Variants in SAMD12 observed in about 807,000 individuals in gnomAD.
SAMD12 encodes the protein sterile alpha motif domain containing 12, also known as sterile alpha motif domain-containing protein 12.
Under a neutral mutation model 15.0 loss-of-function variants are expected in SAMD12, and 9 were observed. That is an observed-to-expected ratio of 0.60 (90% CI 0.36 to 1.05). The LOEUF (loss-of-function observed/expected upper bound fraction) is 1.05, where lower values mean the gene tolerates loss of function less well. Among genes scored for constraint, SAMD12 ranks in the 50% least tolerant of loss-of-function variants. The probability of loss-of-function intolerance (pLI) is 0.01; values close to 1 mark genes in which losing one functional copy is unlikely to be tolerated. For synonymous variants in SAMD12, 86 were observed against 90.1 expected (o/e 0.96, Z 0.25); for missense variants, 230 against 234.2 (o/e 0.98, Z 0.12).
chr8:118,574,699 G>A (rs2131244072), intron 2 of SAMD12, among the ~76,000 whole-genome samples: 1 of 152,284 alleles, frequency 6.6e-6, no homozygotes, highest in East Asian at 1.9e-4. Context: ...CAATATACAT[G>A]TACTGGGGTC....
chr8:118,137,393 G>A, the SAMD12 span, among the ~76,000 whole-genome samples: 6 of 152,308 alleles, frequency 3.9e-5, no homozygotes, highest in African/African-American at 1.4e-4. Flanking sequence ...ACTTGGGGGT[G>A]GGGGGCTTTG....
chr8:118,611,756 ATTTGAATT>A (rs1286691756), intron 1 of SAMD12, among the ~76,000 whole-genome samples: 4 of 152,186 alleles, frequency 2.6e-5, no homozygotes, highest in Non-Finnish European at 5.9e-5. Flanking sequence ...GTTCTGTAGT[ATTTGAATT>A]TTTGAATATT....
the SAMD12 span, among the ~76,000 whole-genome samples, chr8:118,148,030 T>C: frequency 6.6e-6 from 1 of 151,740 alleles, no homozygotes; most frequent in Non-Finnish European, 1.5e-5. Flanking sequence ...CAGGTTCAAG[T>C]GATTCTCCTG....
At chr8:118,149,609 G>C in the SAMD12 span, among the ~76,000 whole-genome samples, 75 of 151,994 alleles carry the variant, frequency 4.9e-4, no homozygotes, top group Non-Finnish European at 1.0e-3. Context: ...TTCTTCTATG[G>C]GTTGTGTTAT....
In SAMD12 at chr8:118,392,950, C is replaced by T. The variant is rs553319972; in HGVS notation, c.323-13250G>A. On this transcript the variant is annotated intron_variant, in intron 3 of 3. Transcript: ENST00000314727. ...ATTGGTTTAGGAGTTTGCTTCCAAC[C>T]AAGTGATTCACCAAATGTTAACTCA... Among the ~76,000 whole-genome samples, 7 of 152,208 alleles carry T rather than the reference C, an allele frequency of 4.6e-5. No individual in the cohort carries two copies. The East Asian group carries it at 9.7e-4, about 21-fold the overall frequency.
chr8:118,577,571 G>A (rs1827184800), intron 2 of SAMD12, among the ~76,000 whole-genome samples: 2 of 152,168 alleles, frequency 1.3e-5, no homozygotes, highest in South Asian at 2.1e-4. Context: ...GCACACTAAG[G>A]AGCTGGAACC....
intron 1 of SAMD12, among the ~76,000 whole-genome samples, chr8:118,610,636 G>A (rs1828086916): frequency 6.6e-6 from 1 of 152,164 alleles, no homozygotes; most frequent in Non-Finnish European, 1.5e-5. Flanking sequence ...TAGTTCTTGT[G>A]TTTACTCAAC....
intron 4 of SAMD12, among the ~76,000 whole-genome samples, chr8:118,336,301 T>C (rs948374626): frequency 6.6e-6 from 1 of 152,214 alleles, no homozygotes; most frequent in Non-Finnish European, 1.5e-5. Flanking sequence ...ACAAGCATAA[T>C]TGCTCTCTTC....
chr8:118,602,100 G>A (rs1827877341), intron 1 of SAMD12, among the ~76,000 whole-genome samples: 2 of 152,038 alleles, frequency 1.3e-5, no homozygotes, highest in African/African-American at 4.8e-5. Flanking sequence ...ACTTATGGTT[G>A]TTACCACTTC....
At chr8:118,425,504 T>C (rs11994945) in intron 3 of SAMD12, among the ~76,000 whole-genome samples, 84,234 of 151,906 alleles carry the variant, frequency 0.55, 25,424 homozygotes, top group Non-Finnish European at 0.66. Flanking sequence ...AGCAGCACAG[T>C]GAGACTCCTA....
At chr8:118,508,134 C>G (rs770846819) in intron 2 of SAMD12, among the ~76,000 whole-genome samples, 1 of 149,296 alleles carries the variant, frequency 6.7e-6, no homozygotes, top group South Asian at 2.2e-4. Context: ...GCTGGGACTA[C>G]AGGTGTGAGC....
chr8:118,503,858 A>T (rs184630967), intron 2 of SAMD12, among the ~76,000 whole-genome samples: 1 of 152,312 alleles, frequency 6.6e-6, no homozygotes, highest in Admixed American at 6.5e-5. Flanking sequence ...TGCAGAGGTG[A>T]TTTTGTAGAG....
chr8:118,255,535 T>G (rs1207506769), intron 4 of SAMD12, among the ~76,000 whole-genome samples: 1 of 115,182 alleles, frequency 8.7e-6, no homozygotes, highest in East Asian at 3.1e-4. Flanking sequence ...CCCCAGAGTG[T>G]GATGTTCCCC....
chr8:118,587,385 G>A (rs1586838782), intron 1 of SAMD12, among the ~76,000 whole-genome samples: 1 of 152,204 alleles, frequency 6.6e-6, no homozygotes. Context: ...CAAAAAGTCT[G>A]TAACTCTTTG....
intron 2 of SAMD12, among the ~76,000 whole-genome samples, chr8:118,555,055 G>A (rs1236299917): frequency 6.6e-6 from 1 of 152,146 alleles, no homozygotes; most frequent in Non-Finnish European, 1.5e-5. Context: ...TGACCAGTTA[G>A]GGGTTTGGAA....
chr8:118,385,677 C>A (rs111340231), intron 3 of SAMD12, among the ~76,000 whole-genome samples: 1 of 152,140 alleles, frequency 6.6e-6, no homozygotes, highest in African/African-American at 2.4e-5. Context: ...CCCTGTTACC[C>A]CCAGGATTCC....
intron 4 of SAMD12, among the ~76,000 whole-genome samples, chr8:118,237,917 C>T (rs893743056): frequency 2.6e-5 from 4 of 152,132 alleles, no homozygotes; most frequent in Non-Finnish European, 4.4e-5. Flanking sequence ...CAAGGCCTTT[C>T]TCAAACTGTA....
At chr8:118,272,450 T>C (rs568851601) in intron 4 of SAMD12, among the ~76,000 whole-genome samples, 1 of 152,342 alleles carries the variant, frequency 6.6e-6, no homozygotes, top group African/African-American at 2.4e-5. Context: ...GTCTCTGACT[T>C]ACCCTGGAGA....
intron 2 of SAMD12, among the ~76,000 whole-genome samples, chr8:118,473,912 C>A (rs1823882895): frequency 6.6e-6 from 1 of 152,132 alleles, no homozygotes; most frequent in Non-Finnish European, 1.5e-5. Flanking sequence ...TCTTCACTGA[C>A]TTGGTTATAT....
Sources: gnomAD v4.1 joint callset for allele counts (sites outside exome capture counted in the v4.1 genomes callset) on GRCh38, gnomAD v4.1.1 for gene constraint, MANE v1.5 for transcripts, NCBI Gene and HGNC (gene_info 2026-07-23, HGNC 2026-07-21) for gene names.